Variants in CNBD1 observed in about 807,000 individuals in gnomAD.
CNBD1 encodes the protein cyclic nucleotide binding domain containing 1.
In CNBD1, 71 loss-of-function variants were observed where a neutral mutation model predicts 54.4. The ratio of observed to expected loss-of-function variants is 1.30; its 90% CI spans 1.08 to 1.59. The LOEUF (loss-of-function observed/expected upper bound fraction) is 1.59, where lower values mean the gene tolerates loss of function less well. CNBD1 is among the 40% of genes most tolerant of loss of function. The pLI, the probability that CNBD1 is intolerant of heterozygous loss-of-function variation, is 0.00. For missense variants in CNBD1, 659 were observed against 518.0 expected (o/e 1.27, Z -2.64); for synonymous variants, 182 against 170.7 (o/e 1.07, Z -0.51).
chr8:87,381,012 G>A (rs1811061939), intron 10 of CNBD1, among the ~76,000 whole-genome samples: 1 of 151,976 alleles, frequency 6.6e-6, no homozygotes, highest in South Asian at 2.1e-4. Context: ...GACACCAAAA[G>A]CACAGGCAAC....
At chr8:87,170,759 G>A (rs1367509794) in intron 4 of CNBD1, among the ~76,000 whole-genome samples, 4 of 151,992 alleles carry the variant, frequency 2.6e-5, no homozygotes, top group East Asian at 1.9e-4. Context: ...TTTCAGCATC[G>A]ATTGAAATGA....
chr8:87,216,945 G>T (rs1045381788), intron 5 of CNBD1, among the ~76,000 whole-genome samples: 1 of 152,036 alleles, frequency 6.6e-6, no homozygotes, highest in East Asian at 1.9e-4. Context: ...TTGCTTTTAC[G>T]ATCTTTTCTA....
chr8:87,323,436 A>G (rs1348289715), intron 8 of CNBD1, among the ~76,000 whole-genome samples: 1 of 136,054 alleles, frequency 7.4e-6, no homozygotes, highest in African/African-American at 2.8e-5. Flanking sequence ...CCTACCCATG[A>G]GCATGGAATG....
At chr8:86,959,770 T>G (rs1001280410) in intron 4 of CNBD1, among the ~76,000 whole-genome samples, 1 of 152,130 alleles carries the variant, frequency 6.6e-6, no homozygotes, top group African/African-American at 2.4e-5. Context: ...TTCAAGGTTT[T>G]TAGCTTCCTT....
In CNBD1 at chr8:87,134,457, G is replaced by A. The variant is rs559272126; in HGVS notation, c.432-71536G>A. ...TATAACTTTTATTGTTAAGTTCTGC[G>A]TTTCTAATTTGACAGTATTCTTCAG... On this transcript the variant is annotated intron_variant, in intron 4 of 10. Transcript: ENST00000518476. Among the ~76,000 whole-genome samples, 20 of 151,998 alleles carry A rather than the reference G, an allele frequency of 1.3e-4. 1 individual carries two copies. Among genetic ancestry groups the A allele is most frequent in the South Asian group, 4.2e-4 (2 of 4,816 alleles).
At chr8:86,914,379 ATAT>A (rs890680177) in intron 3 of CNBD1, among the ~76,000 whole-genome samples, 12 of 152,284 alleles carry the variant, frequency 7.9e-5, no homozygotes, top group Non-Finnish European at 1.8e-4. Flanking sequence ...ATTGCTTATA[ATAT>A]TTGGTACAGT....
intron 10 of CNBD1, among the ~76,000 whole-genome samples, chr8:87,370,660 TC>T (rs1247053845): frequency 1.3e-5 from 2 of 151,750 alleles, no homozygotes; most frequent in Non-Finnish European, 2.9e-5. Context: ...GCAAAAATTT[TC>T]TCCCATTTTG....
chr8:87,396,967 C>A (rs1586077777), intron 2 of CNBD1, among the ~76,000 whole-genome samples: 3 of 149,874 alleles, frequency 2.0e-5, no homozygotes, highest in South Asian at 4.2e-4. Flanking sequence ...ATCCCTCCTT[C>A]AATGAATCAC....
chr8:87,048,590 G>T (rs533942753), intron 4 of CNBD1, among the ~76,000 whole-genome samples: 54 of 152,248 alleles, frequency 3.5e-4, no homozygotes, highest in African/African-American at 1.2e-3. Flanking sequence ...CACTTTGGAG[G>T]TACTTCAGGA....
intron 4 of CNBD1, among the ~76,000 whole-genome samples, chr8:87,130,462 T>C (rs1352322095): frequency 6.6e-6 from 1 of 152,128 alleles, no homozygotes; most frequent in Non-Finnish European, 1.5e-5. Context: ...TCCTTTCTCA[T>C]TTTTTCTGGT....
chr8:87,188,043 C>T (rs982292192), intron 4 of CNBD1, among the ~76,000 whole-genome samples: 3 of 152,196 alleles, frequency 2.0e-5, no homozygotes, highest in Non-Finnish European at 1.5e-5. Flanking sequence ...GCTCCAACCA[C>T]ACTGAACTTT....
intron 6 of CNBD1, among the ~76,000 whole-genome samples, chr8:87,266,249 G>T (rs1471286703): frequency 6.6e-6 from 1 of 151,162 alleles, no homozygotes; most frequent in African/African-American, 2.4e-5. Flanking sequence ...CTATACCAAA[G>T]AGCAAAAGGC....
At chr8:86,932,769 G>C (rs1809478338) in intron 3 of CNBD1, among the ~76,000 whole-genome samples, 1 of 151,910 alleles carries the variant, frequency 6.6e-6, no homozygotes, top group Admixed American at 6.6e-5. Context: ...TTTCAAGGGT[G>C]AGCTTCTTGA....
intron 5 of CNBD1, among the ~76,000 whole-genome samples, chr8:87,206,411 G>A (rs931556639): frequency 3.3e-5 from 5 of 152,034 alleles, no homozygotes; most frequent in East Asian, 1.9e-4. Flanking sequence ...CCATATTGTC[G>A]GGTTTAAACA....
chr8:86,957,966 T>A (rs1807823665), intron 4 of CNBD1, among the ~76,000 whole-genome samples: 1 of 152,204 alleles, frequency 6.6e-6, no homozygotes, highest in Non-Finnish European at 1.5e-5. Flanking sequence ...TGTGCGCATT[T>A]AGTGCTATAA....
At chr8:87,405,007 G>T (rs1451221361) in intron 2 of CNBD1, among the ~76,000 whole-genome samples, 1 of 152,008 alleles carries the variant, frequency 6.6e-6, no homozygotes, top group Admixed American at 6.6e-5. Context: ...CAGCAAGAAA[G>T]ATTTTTGAGT....
At chr8:86,979,691 T>A (rs982382113) in intron 4 of CNBD1, among the ~76,000 whole-genome samples, 101 of 152,308 alleles carry the variant, frequency 6.6e-4, no homozygotes, top group African/African-American at 2.3e-3. Context: ...CTGTTCAGTA[T>A]AAAAAACAGA....
chr8:87,042,821 C>A (rs1194757394), intron 4 of CNBD1, among the ~76,000 whole-genome samples: 1 of 151,606 alleles, frequency 6.6e-6, no homozygotes, highest in Non-Finnish European at 1.5e-5. Flanking sequence ...TATAAATATG[C>A]TTGTTATATT....
chr8:86,990,051 A>G (rs941551626), intron 4 of CNBD1, among the ~76,000 whole-genome samples: 1 of 152,092 alleles, frequency 6.6e-6, no homozygotes, highest in Non-Finnish European at 1.5e-5. Context: ...AGATTATTAG[A>G]TTCTTTGCTA....
Sources: gnomAD v4.1 joint callset for allele counts (sites outside exome capture counted in the v4.1 genomes callset) on GRCh38, gnomAD v4.1.1 for gene constraint, MANE v1.5 for transcripts, NCBI Gene and HGNC (gene_info 2026-07-23, HGNC 2026-07-21) for gene names.